TBXAS1: variants seen among roughly 807,000 people sequenced by gnomAD.
TBXAS1 encodes thromboxane-A synthase.
TBXAS1 carries 48 observed loss-of-function variants against 60.7 expected under a neutral mutation model. The observed-to-expected ratio is 0.79, with a 90% CI of 0.63 to 1.01. TBXAS1 has a LOEUF of 1.01. Among genes scored for constraint, TBXAS1 ranks in the 50% least tolerant of loss-of-function variants. The probability of loss-of-function intolerance (pLI) is 0.00; values close to 1 mark genes in which losing one functional copy is unlikely to be tolerated. For synonymous variants in TBXAS1, 287 were observed against 269.7 expected (o/e 1.06, Z -0.63); for missense variants, 685 against 686.3 (o/e 1.00, Z 0.02).
intron 9 of TBXAS1, among the ~76,000 whole-genome samples, chr7:139,982,540 T>A (rs1280931527): frequency 6.6e-6 from 1 of 152,138 alleles, no homozygotes; most frequent in African/African-American, 2.4e-5. Flanking sequence ...TGGACTACAA[T>A]CTCATCATAA....
intron 3 of TBXAS1, among the ~76,000 whole-genome samples, chr7:139,902,974 A>T (rs1770307584): frequency 6.6e-6 from 1 of 152,060 alleles, no homozygotes; most frequent in Non-Finnish European, 1.5e-5. Context: ...TATTGGGGGT[A>T]CAGGTAGTAT....
At chr7:139,986,514 C>T (rs1217619215) in intron 9 of TBXAS1, among the ~76,000 whole-genome samples, 1 of 151,166 alleles carries the variant, frequency 6.6e-6, no homozygotes, top group Non-Finnish European at 1.5e-5. Context: ...TCCCTCACCC[C>T]CTTCCCACCT....
At chr7:139,830,301 G>A (rs1798622825) in intron 1 of TBXAS1, among the ~76,000 whole-genome samples, 2 of 152,120 alleles carry the variant, frequency 1.3e-5, no homozygotes, top group African/African-American at 4.8e-5. Context: ...ACTGGAGTCC[G>A]AACAGAATTT....
Position 139,865,830 on chromosome 7 carries a change from AG to A in TBXAS1, c.90-6399del, listed in dbSNP as rs1172533808. Among the ~76,000 whole-genome samples, 63 of 67,248 alleles carry A rather than the reference AG, an allele frequency of 9.4e-4. 1 individual carries two copies. Among genetic ancestry groups the A allele is most frequent in the African/African-American group, 3.6e-3 (57 of 15,674 alleles). The allele number at this position is 67,248 out of a possible 152,430, so 44.1% of individuals were successfully genotyped here. On this transcript the variant is annotated intron_variant, in intron 1 of 12. Coordinates refer to ENST00000448866, the MANE Select transcript of TBXAS1 (RefSeq NM_001061.7). The stretch of plus-strand genomic sequence containing the variant: ...AAGGAAGGAAGGGAGGGAGGGAGGG[AG>A]GGGGGAAAGGAAGAAGGAAGGAGGG...
At chr7:139,963,700 G>T (rs1810546178) in intron 9 of TBXAS1, among the ~76,000 whole-genome samples, 1 of 152,154 alleles carries the variant, frequency 6.6e-6, no homozygotes, top group Non-Finnish European at 1.5e-5. Flanking sequence ...ACATTTAGTT[G>T]CAGATAACAG....
chr7:139,895,436 G>A (rs1804012739), intron 3 of TBXAS1, among the ~76,000 whole-genome samples: 2 of 152,220 alleles, frequency 1.3e-5, no homozygotes, highest in Non-Finnish European at 2.9e-5. Context: ...ATCAGTGAAG[G>A]GAAGGAGGAG....
intron 5 of TBXAS1, among the ~76,000 whole-genome samples, chr7:139,936,723 AC>A (rs1325680447): frequency 3.3e-5 from 5 of 152,110 alleles, no homozygotes; most frequent in Non-Finnish European, 7.4e-5. Flanking sequence ...CATTTATAAC[AC>A]CCGGCCAGGT....
chr7:139,831,372 C>T (rs1056557290), intron 1 of TBXAS1, among the ~76,000 whole-genome samples: 2 of 152,196 alleles, frequency 1.3e-5, no homozygotes, highest in Non-Finnish European at 2.9e-5. Flanking sequence ...TCTAGTCAGC[C>T]ACTAAGCAAC....
chr7:139,820,229 A>G (rs1367614145), intron 4 of TBXAS1, among the ~76,000 whole-genome samples: 1 of 152,128 alleles, frequency 6.6e-6, no homozygotes, highest in African/African-American at 2.4e-5. Context: ...ACGTCTAGTC[A>G]TCAACATGTA....
At chr7:139,785,449 C>T (rs1263424060) in intron 3 of TBXAS1, among the ~76,000 whole-genome samples, 3 of 146,556 alleles carry the variant, frequency 2.0e-5, no homozygotes, top group Non-Finnish European at 4.5e-5. Flanking sequence ...TGCAGGTCAA[C>T]TGCCAGGACC....
chr7:139,947,335 G>C (rs1189378321), intron 5 of TBXAS1, among the ~76,000 whole-genome samples: 1 of 152,120 alleles, frequency 6.6e-6, no homozygotes, highest in Non-Finnish European at 1.5e-5. Flanking sequence ...AACACCACAT[G>C]TTCTCACTTA....
intron 4 of TBXAS1, among the ~76,000 whole-genome samples, chr7:139,935,169 T>A (rs1447917564): frequency 6.6e-6 from 1 of 152,218 alleles, no homozygotes; most frequent in Non-Finnish European, 1.5e-5. Context: ...CAGTAGCTCG[T>A]GGGATAGGTT....
upstream of TBXAS1, among the ~76,000 whole-genome samples, chr7:139,827,249 G>A (rs1037414240): frequency 3.3e-5 from 5 of 152,116 alleles, no homozygotes; most frequent in African/African-American, 1.2e-4. Context: ...TAAGACCTGT[G>A]GGGGCACAGA....
chr7:139,861,476 A>G (rs954598101), intron 1 of TBXAS1, among the ~76,000 whole-genome samples: 3 of 144,584 alleles, frequency 2.1e-5, no homozygotes, highest in Non-Finnish European at 3.0e-5. Flanking sequence ...TGAACTCCTG[A>G]CCTCAAGTGA....
intron 4 of TBXAS1, among the ~76,000 whole-genome samples, chr7:139,925,562 T>C (rs1027115339): frequency 3.3e-5 from 5 of 152,232 alleles, no homozygotes; most frequent in African/African-American, 1.2e-4. Flanking sequence ...TTTAGGTTTT[T>C]CTAAATGTAA....
intron 9 of TBXAS1, among the ~76,000 whole-genome samples, chr7:139,974,718 T>A (rs577239729): frequency 2.0e-5 from 3 of 152,226 alleles, no homozygotes; most frequent in African/African-American, 7.2e-5. Context: ...CTCATTCGCC[T>A]TTCTGTGACT....
chr7:139,935,217 G>C (rs1168085626), intron 4 of TBXAS1, among the ~76,000 whole-genome samples: 3 of 152,224 alleles, frequency 2.0e-5, no homozygotes, highest in African/African-American at 7.2e-5. Context: ...AAAATTTGTG[G>C]ATGCTTAAGT....
chr7:139,920,893 C>G (rs137948026), intron 4 of TBXAS1, among the ~76,000 whole-genome samples: 2 of 152,136 alleles, frequency 1.3e-5, no homozygotes, highest in Non-Finnish European at 2.9e-5. Context: ...GCCCGACAAG[C>G]GTGTGCTCAA....
intron 3 of TBXAS1, among the ~76,000 whole-genome samples, chr7:139,879,125 G>A (rs1802484727): frequency 6.6e-6 from 1 of 152,180 alleles, no homozygotes; most frequent in African/African-American, 2.4e-5. Flanking sequence ...GGACAATAGG[G>A]CTGGAGAAGG....
Sources: gnomAD v4.1 joint callset for allele counts (sites outside exome capture counted in the v4.1 genomes callset) on GRCh38, gnomAD v4.1.1 for gene constraint, MANE v1.5 for transcripts, NCBI Gene and HGNC (gene_info 2026-07-23, HGNC 2026-07-21) for gene names.